Variants in TMEFF2 observed in about 807,000 individuals in gnomAD.
TMEFF2 encodes the protein transmembrane protein with EGF like and two follistatin like domains 2.
A neutral mutation model predicts 53.8 loss-of-function variants in TMEFF2; 28 were observed. The observed-to-expected ratio is 0.52, with a 90% CI of 0.39 to 0.71. The LOEUF is 0.71. Among genes scored for constraint, TMEFF2 ranks in the 30% least tolerant of loss-of-function variants. The probability of loss-of-function intolerance (pLI) is 0.00; values close to 1 mark genes in which losing one functional copy is unlikely to be tolerated. For missense variants in TMEFF2, 353 were observed against 455.2 expected (o/e 0.78, Z 2.04); for synonymous variants, 162 against 166.3 (o/e 0.97, Z 0.20).
chr2:191,984,950 T>C (rs1390186123), intron 7 of TMEFF2, among the ~76,000 whole-genome samples: 2 of 152,092 alleles, frequency 1.3e-5, no homozygotes, highest in Non-Finnish European at 2.9e-5. Context: ...AATATACTGA[T>C]ACACAAAAAT....
chr2:192,107,391 T>C (rs1689173068), intron 4 of TMEFF2, among the ~76,000 whole-genome samples: 1 of 151,654 alleles, frequency 6.6e-6, no homozygotes, highest in African/African-American at 2.4e-5. Flanking sequence ...CTAGAGAACC[T>C]GGAAAACTTT....
Position 191,949,954 on chromosome 2 carries a change from T to C in TMEFF2, c.*357A>G. 1.9e-6 allele frequency: 2 copies of C among 1,034,160 alleles called. No individual in the cohort carries two copies. The highest frequency in any genetic ancestry group is 2.3e-6 in the Non-Finnish European group (2 of 860,056). The allele number at this position is 1,034,160 out of a possible 1,614,324, so 64.1% of individuals were successfully genotyped here. On this transcript the variant is annotated 3_prime_UTR_variant, in exon 10 of 10. Transcript: ENST00000272771. ...AAGAAACATGAAATATTGGTAGCTG[T>C]ACAGATTGTACTAGTCTGATTATAT...
intron 7 of TMEFF2, among the ~76,000 whole-genome samples, chr2:191,958,907 G>A (rs1462392338): frequency 6.6e-6 from 1 of 152,028 alleles, no homozygotes; most frequent in Non-Finnish European, 1.5e-5. Context: ...TTGAAAACCT[G>A]AATATATAAC....
intron 5 of TMEFF2, among the ~76,000 whole-genome samples, chr2:192,001,168 TTG>T (rs796151396): frequency 1.9e-4 from 29 of 152,282 alleles, no homozygotes; most frequent in African/African-American, 6.5e-4. Flanking sequence ...CTGACTGTTG[TTG>T]TGTTAGACTC....
At chr2:192,186,756 T>C (rs182997760) in intron 2 of TMEFF2, among the ~76,000 whole-genome samples, 2 of 152,296 alleles carry the variant, frequency 1.3e-5, no homozygotes, top group East Asian at 3.9e-4. Context: ...TGGGTCCGTG[T>C]TTTCTTCTCT....
intron 7 of TMEFF2, among the ~76,000 whole-genome samples, chr2:191,956,652 A>G (rs764097322): frequency 1.2e-4 from 18 of 152,322 alleles, no homozygotes; most frequent in Middle Eastern, 3.4e-3. Flanking sequence ...CTTGTCAGAC[A>G]GCTTTAATTT....
chr2:192,105,076 A>C (rs985216524), intron 4 of TMEFF2, among the ~76,000 whole-genome samples: 5 of 151,960 alleles, frequency 3.3e-5, no homozygotes, highest in Non-Finnish European at 5.9e-5. Context: ...TTATTACCAG[A>C]ATCCTTTAAA....
chr2:191,955,524 A>ATTTTTT lies in TMEFF2; in HGVS notation c.869+725_869+730dup, dbSNP rs71405028. ...TGCCACCGTGCCTGGCTAATTCTTAATTTTTTTTTTTTTTTTTTTTTTTTA... is the reference window on the plus strand; with the variant it reads ...TGCCACCGTGCCTGGCTAATTCTTAATTTTTTTTTTTTTTTTTTTTTTTTTTTTTTA... On this transcript the variant is annotated intron_variant, in intron 8 of 9. Coordinates refer to ENST00000272771, the MANE Select transcript of TMEFF2 (RefSeq NM_016192.4). Among the ~76,000 whole-genome samples the ATTTTTT allele has an allele frequency of 1.7e-4, 10 of 60,292 alleles. 2 individuals are homozygous for ATTTTTT. Among genetic ancestry groups the ATTTTTT allele is most frequent in the African/African-American group, 3.3e-4 (5 of 15,186 alleles). The allele number at this position is 60,292 out of a possible 152,430, so 39.6% of individuals were successfully genotyped here.
At chr2:192,098,038 A>G (rs1458591032) in intron 4 of TMEFF2, among the ~76,000 whole-genome samples, 1 of 152,234 alleles carries the variant, frequency 6.6e-6, no homozygotes, top group East Asian at 1.9e-4. Flanking sequence ...AAATGTCGTG[A>G]ATTCTGTGCT....
intron 4 of TMEFF2, among the ~76,000 whole-genome samples, chr2:192,125,038 CATTA>C (rs765333705): frequency 2.0e-5 from 3 of 152,182 alleles, no homozygotes; most frequent in Non-Finnish European, 4.4e-5. Flanking sequence ...CTAAAAGAGG[CATTA>C]ATTAATTGGG....
Position 192,053,595 on chromosome 2 carries a change from T to A in TMEFF2, c.536+4084A>T, listed in dbSNP as rs191542953. On this transcript the variant is annotated intron_variant, in intron 5 of 9. Coordinates refer to ENST00000272771, the MANE Select transcript of TMEFF2 (RefSeq NM_016192.4). ...GAAATCTGTACACATAAAATTATAG[T>A]TTAGTTAGTGTTAAAGGCAAAATAA... 5.2e-4 allele frequency among the ~76,000 whole-genome samples: 79 copies of A among 152,304 alleles called. 1 individual carries two copies. In the East Asian group the frequency reaches 0.012, roughly 23 times the overall value.
intron 2 of TMEFF2, among the ~76,000 whole-genome samples, chr2:192,186,476 G>C (rs1179817587): frequency 1.3e-5 from 2 of 152,180 alleles, no homozygotes; most frequent in African/African-American, 2.4e-5. Context: ...CAGAACCAGG[G>C]ACAGGAGAAT....
chr2:191,974,419 G>GTT (rs1350275275), intron 7 of TMEFF2, among the ~76,000 whole-genome samples: 2 of 151,748 alleles, frequency 1.3e-5, no homozygotes, highest in Non-Finnish European at 2.9e-5. Flanking sequence ...TTTTTTTGGA[G>GTT]GACTAAATTG....
At chr2:192,126,670 A>G (rs1245563352) in intron 4 of TMEFF2, among the ~76,000 whole-genome samples, 1 of 152,194 alleles carries the variant, frequency 6.6e-6, no homozygotes, top group East Asian at 1.9e-4. Context: ...AACACTTAGG[A>G]TATTTGATGT....
intron 4 of TMEFF2, among the ~76,000 whole-genome samples, chr2:192,143,356 T>C (rs1420784223): frequency 6.6e-6 from 1 of 152,150 alleles, no homozygotes; most frequent in Non-Finnish European, 1.5e-5. Context: ...ACACACCAAT[T>C]GCTTCTGGTG....
intron 5 of TMEFF2, among the ~76,000 whole-genome samples, chr2:192,003,744 C>CGCAAATTTACACGCAAAT (rs1376994113): frequency 6.6e-6 from 1 of 152,138 alleles, no homozygotes; most frequent in Non-Finnish European, 1.5e-5. Flanking sequence ...TACACATACA[C>CGCAAATTTACACGCAAAT]ACAAACACAC....
At chr2:192,097,383 T>C (rs530220881) in intron 4 of TMEFF2, among the ~76,000 whole-genome samples, 1 of 152,378 alleles carries the variant, frequency 6.6e-6, no homozygotes, top group South Asian at 2.1e-4. Context: ...ACAAAGAGCA[T>C]ATATTCCTTA....
intron 7 of TMEFF2, among the ~76,000 whole-genome samples, chr2:191,994,731 T>C (rs185249275): frequency 1.3e-5 from 2 of 152,042 alleles, no homozygotes; most frequent in African/African-American, 4.8e-5. Context: ...TTTGTAAAAT[T>C]TGTGTTCCCG....
chr2:191,973,063 G>T (rs1206235193), intron 7 of TMEFF2, among the ~76,000 whole-genome samples: 1 of 152,114 alleles, frequency 6.6e-6, no homozygotes, highest in Non-Finnish European at 1.5e-5. Flanking sequence ...GAAGAATTTG[G>T]GGATGTAAAT....
Sources: allele counts gnomAD v4.1 joint callset (sites outside exome capture counted in the v4.1 genomes callset), GRCh38; gene constraint gnomAD v4.1.1; transcripts MANE v1.5; gene names NCBI Gene and HGNC (gene_info 2026-07-23, HGNC 2026-07-21).